Variants in COL14A1 observed in about 807,000 individuals in gnomAD.
COL14A1 encodes collagen type XIV alpha 1 chain.
COL14A1 carries 136 observed loss-of-function variants against 230.3 expected under a neutral mutation model. That is an observed-to-expected ratio of 0.59 (90% confidence interval 0.51 to 0.68). COL14A1 has a LOEUF of 0.68. Among genes scored for constraint, COL14A1 ranks in the 30% least tolerant of loss-of-function variants. The pLI is 0.00. For synonymous variants in COL14A1, 792 were observed against 784.1 expected, an observed-to-expected ratio of 1.01 and a Z score of -0.17; for missense variants, 1,976 against 2,215.8, an observed-to-expected ratio of 0.89 and a Z score of 2.17.
intron 19 of COL14A1, among the ~76,000 whole-genome samples, chr8:120,241,461 G>A (rs957091433): frequency 3.9e-5 from 6 of 152,112 alleles, no homozygotes; most frequent in Non-Finnish European, 8.8e-5. Context: ...TGATATTAGA[G>A]CCAGACATGA....
chr8:120,250,972 T>C (rs1419078007), intron 22 of COL14A1, among the ~76,000 whole-genome samples: 1 of 152,138 alleles, frequency 6.6e-6, no homozygotes, highest in African/African-American at 2.4e-5. Context: ...CATGCCCAGT[T>C]AATTTTCATA....
intron 40 of COL14A1, among the ~76,000 whole-genome samples, chr8:120,321,959 T>C (rs2130152239): frequency 6.6e-6 from 1 of 152,290 alleles, no homozygotes; most frequent in African/African-American, 2.4e-5. Context: ...TAGTATATTG[T>C]GTGAGACCTA....
At chr8:120,196,603 C>A (rs1817046410) in intron 5 of COL14A1, among the ~76,000 whole-genome samples, 188 bp from the exon 6 acceptor site, 1 of 152,222 alleles carries the variant, frequency 6.6e-6, no homozygotes, top group South Asian at 2.1e-4. Context: ...ACTGGCTCTA[C>A]TGCCAACAGT....
intron 26 of COL14A1, among the ~76,000 whole-genome samples, chr8:120,274,679 C>A (rs543546212): frequency 6.6e-6 from 1 of 151,550 alleles, no homozygotes; most frequent in Admixed American, 6.6e-5. Flanking sequence ...TATACACCAA[C>A]GATCAATTCT....
intron 40 of COL14A1, among the ~76,000 whole-genome samples, chr8:120,321,406 T>G (rs1821436980): frequency 6.6e-6 from 1 of 152,040 alleles, no homozygotes; most frequent in African/African-American, 2.4e-5. Flanking sequence ...TTTGGGAGGC[T>G]GAGGCAGGTG....
intron 38 of COL14A1, among the ~76,000 whole-genome samples, chr8:120,314,389 G>A (rs1015434641): frequency 6.6e-6 from 1 of 152,044 alleles, no homozygotes; most frequent in Non-Finnish European, 1.5e-5. Context: ...TTAATTATGT[G>A]TAGTAACTGC....
At chr8:120,299,090 T>C (rs767104056) in intron 35 of COL14A1, among the ~76,000 whole-genome samples, 2 of 151,882 alleles carry the variant, frequency 1.3e-5, no homozygotes, top group Non-Finnish European at 2.9e-5. Context: ...TGGCTTACAT[T>C]ATGCACTGAA....
chr8:120,193,928 C>T (rs907664080), intron 5 of COL14A1, among the ~76,000 whole-genome samples: 1 of 152,174 alleles, frequency 6.6e-6, no homozygotes, highest in Non-Finnish European at 1.5e-5. Context: ...GTGGGAGTGA[C>T]CCGGTTTTCC....
At chr8:120,250,846 C>A in intron 22 of COL14A1, 80 bp downstream of exon 22, 1 of 1,524,516 alleles carries the variant, frequency 6.6e-7, no homozygotes, top group South Asian at 1.2e-5. Flanking sequence ...CTCGCTCTGT[C>A]GCTCAGGCTG....
chr8:120,249,027 G>A (rs1168359536), intron 21 of COL14A1, among the ~76,000 whole-genome samples: 2 of 135,024 alleles, frequency 1.5e-5, no homozygotes, highest in Non-Finnish European at 3.1e-5. Flanking sequence ...CCGGGTTCAC[G>A]CCATTCTCCT....
rs774704813 is a variant in COL14A1 at position 120,196,877 on chromosome 8, A to C, written c.523A>C (p.Arg175=). 6.2e-7 allele frequency: 1 copy of C among 1,614,174 alleles called. No homozygotes were observed. Among genetic ancestry groups the C allele is most frequent in the African/African-American group, 1.3e-5 (1 of 75,068 alleles). Residue 175 remains arginine, a synonymous_variant, in exon 6 of 48, where the codon AGA becomes CGA. Transcript: ENST00000297848. ...ATGGAGTATTGGAAGATTCAACTTC[A>C]GACTGGTTCGGCATTTCTTGGAAAA... ...GSWSIGRFNF[R]LVRHFLENLV... is the part of the protein sequence containing the mutation.
At chr8:120,247,035 A>T (rs1818788117) in intron 20 of COL14A1, among the ~76,000 whole-genome samples, 2 of 152,314 alleles carry the variant, frequency 1.3e-5, no homozygotes, top group Admixed American at 1.3e-4. Flanking sequence ...ATTATACCTA[A>T]AATTAACTGA....
At chr8:120,205,099 A>ATT (rs140408352) in intron 9 of COL14A1, among the ~76,000 whole-genome samples, 9 of 150,304 alleles carry the variant, frequency 6.0e-5, no homozygotes, top group East Asian at 2.0e-4. Flanking sequence ...GTGTGGCCAC[A>ATT]TTTTTTTTTT....
chr8:120,218,260 CTATA>C (rs34633309), intron 14 of COL14A1, among the ~76,000 whole-genome samples: 8 of 135,514 alleles, frequency 5.9e-5, no homozygotes, highest in Non-Finnish European at 9.3e-5. Flanking sequence ...AAGTATATGT[CTATA>C]TATATATAAT....
At chr8:120,219,241 C>T (rs145150308) in intron 14 of COL14A1, among the ~76,000 whole-genome samples, 334 of 152,046 alleles carry the variant, frequency 2.2e-3, no homozygotes, top group African/African-American at 7.6e-3. Flanking sequence ...CTCAGCCTCC[C>T]GAGTAGCTGG....
Position 120,158,122 on chromosome 8 carries a change from C to G in COL14A1, c.89-8C>G. On this transcript the variant is annotated splice_region_variant and splice_polypyrimidine_tract_variant and intron_variant, in intron 2 of 47. Coordinates refer to ENST00000297848, the MANE Select transcript of COL14A1 (RefSeq NM_021110.4). ...AATGTTTACATCATTTTTGTTCTTC[C>G]TTTTCAGTGGCTCCACCCACAAGGT... 2.8e-6 allele frequency: 4 copies of G among 1,449,534 alleles called. No homozygotes were observed. Among genetic ancestry groups the G allele is most frequent in the Non-Finnish European group, 3.8e-6 (4 of 1,053,010 alleles). The allele number at this position is 1,449,534 out of a possible 1,614,324, so 89.8% of individuals were successfully genotyped here. A position where few individuals can be genotyped will look rare whatever the true frequency, so the allele number is the denominator to read the frequency against.
At chr8:120,129,938 A>G (rs992038305) in intron 1 of COL14A1, among the ~76,000 whole-genome samples, 1 of 152,192 alleles carries the variant, frequency 6.6e-6, no homozygotes, top group African/African-American at 2.4e-5. Context: ...GATAGTGCCC[A>G]AGATCTAGAA....
At chr8:120,329,604 CA>C (rs1426984278) in intron 40 of COL14A1, among the ~76,000 whole-genome samples, 1 of 151,212 alleles carries the variant, frequency 6.6e-6, no homozygotes, top group South Asian at 2.1e-4. Context: ...AAGACTGTCT[CA>C]AAAAAAATAA....
intron 36 of COL14A1, among the ~76,000 whole-genome samples, chr8:120,305,619 T>C (rs2130056495): frequency 6.6e-6 from 1 of 152,320 alleles, no homozygotes; most frequent in South Asian, 2.1e-4. Context: ...TCTAGTCCAT[T>C]CTGTTGGTTG....
Sources: allele counts gnomAD v4.1 joint callset (sites outside exome capture counted in the v4.1 genomes callset), GRCh38; gene constraint gnomAD v4.1.1; transcripts MANE v1.5; gene names NCBI Gene and HGNC (gene_info 2026-07-23, HGNC 2026-07-21).